CHN2: variants seen among roughly 807,000 people sequenced by gnomAD.
CHN2 encodes the protein chimerin 2, also known as beta-chimaerin.
CHN2 carries 35 observed loss-of-function variants against 56.3 expected under a neutral mutation model. That is an observed-to-expected ratio of 0.62 (90% CI 0.47 to 0.82). CHN2 has a LOEUF of 0.82. CHN2 is among the 40% of genes least tolerant of loss of function. The pLI, the probability that CHN2 is intolerant of heterozygous loss-of-function variation, is 0.00. For synonymous variants in CHN2, 210 were observed against 212.8 expected, an observed-to-expected ratio of 0.99 and a Z score of 0.12; for missense variants, 491 against 580.5, an observed-to-expected ratio of 0.85 and a Z score of 1.58.
At chr7:29,320,722 T>C (rs1009421266) in intron 1 of CHN2, among the ~76,000 whole-genome samples, 1 of 152,138 alleles carries the variant, frequency 6.6e-6, no homozygotes, top group African/African-American at 2.4e-5. Flanking sequence ...GTTCTGTCCT[T>C]GCATGCTTTC....
intron 9 of CHN2, among the ~76,000 whole-genome samples, chr7:29,504,059 G>T (rs10263233): frequency 0.15 from 22,314 of 152,174 alleles, 1,889 homozygotes; most frequent in Non-Finnish European, 0.19. Flanking sequence ...TGTATAATCA[G>T]TTGTCTAAAA....
At chr7:29,452,376 T>A (rs1784465216) in intron 6 of CHN2, among the ~76,000 whole-genome samples, 1 of 151,542 alleles carries the variant, frequency 6.6e-6, no homozygotes, top group Non-Finnish European at 1.5e-5. Flanking sequence ...CTCTTGGGGG[T>A]GTGTGAAGGC....
intron 6 of CHN2, among the ~76,000 whole-genome samples, chr7:29,427,307 A>C (rs2128110402): frequency 6.6e-6 from 1 of 152,252 alleles, no homozygotes; most frequent in South Asian, 2.1e-4. Context: ...ATAGAGTAAG[A>C]CTGTCTCAAA....
intron 6 of CHN2, among the ~76,000 whole-genome samples, chr7:29,456,842 G>C (rs1398443027): frequency 6.6e-6 from 1 of 151,968 alleles, no homozygotes; most frequent in African/African-American, 2.4e-5. Context: ...CTGCCTCCTG[G>C]GCTGGGGAGG....
chr7:29,274,751 A>G (rs1791042295), intron 1 of CHN2, among the ~76,000 whole-genome samples: 2 of 152,188 alleles, frequency 1.3e-5, no homozygotes, highest in Admixed American at 1.3e-4. Flanking sequence ...CTAACACAGG[A>G]ATATCATTTT....
chr7:29,368,357 G>C (rs1799337633), intron 3 of CHN2, among the ~76,000 whole-genome samples: 1 of 152,004 alleles, frequency 6.6e-6, no homozygotes, highest in African/African-American at 2.4e-5. Context: ...AAACTTCTGG[G>C]TACTTTCAAC....
At chr7:29,433,231 A>G (rs1333595165) in intron 6 of CHN2, among the ~76,000 whole-genome samples, 1 of 152,200 alleles carries the variant, frequency 6.6e-6, no homozygotes, top group Non-Finnish European at 1.5e-5. Flanking sequence ...ACAAAGTCAT[A>G]GTTGCTTTAT....
intron 1 of CHN2, among the ~76,000 whole-genome samples, chr7:29,306,949 T>C (rs1794217133): frequency 6.6e-6 from 1 of 152,260 alleles, no homozygotes; most frequent in South Asian, 2.1e-4. Flanking sequence ...GTTAAAGATG[T>C]GACTAGTAAC....
chr7:29,163,801 C>A, intron 2 of CHN2, among the ~76,000 whole-genome samples: 1 of 152,180 alleles, frequency 6.6e-6, no homozygotes, highest in East Asian at 1.9e-4. Flanking sequence ...TAATTGGTAT[C>A]TTTCACTTTG....
At chr7:29,500,527 C>T (rs1256973218) in intron 9 of CHN2, among the ~76,000 whole-genome samples, 1 of 152,092 alleles carries the variant, frequency 6.6e-6, no homozygotes, top group Non-Finnish European at 1.5e-5. Flanking sequence ...ACTCGAGAGG[C>T]TGAGGCATGG....
At chr7:29,478,781 C>T (rs1786828045) in intron 6 of CHN2, among the ~76,000 whole-genome samples, 1 of 152,184 alleles carries the variant, frequency 6.6e-6, no homozygotes, top group South Asian at 2.1e-4. Flanking sequence ...CGTCCTCTGA[C>T]ACAGCGTAAA....
chr7:29,167,567 C>G (rs1313285202), intron 2 of CHN2, among the ~76,000 whole-genome samples: 2 of 152,292 alleles, frequency 1.3e-5, no homozygotes, highest in East Asian at 3.9e-4. Flanking sequence ...TATGAATTTT[C>G]AACTTTGCTA....
At chr7:29,364,127 T>A (rs1205243761) in intron 2 of CHN2, among the ~76,000 whole-genome samples, 1 of 152,226 alleles carries the variant, frequency 6.6e-6, no homozygotes, top group Non-Finnish European at 1.5e-5. Context: ...CTATCCAGAA[T>A]GATAATGACA....
chr7:29,267,811 T>C (rs905163541), intron 1 of CHN2, among the ~76,000 whole-genome samples: 2 of 152,240 alleles, frequency 1.3e-5, no homozygotes, highest in Admixed American at 6.5e-5. Context: ...AAGAGCTTTC[T>C]GTGTACATGA....
intron 1 of CHN2, among the ~76,000 whole-genome samples, chr7:29,291,463 T>C (rs1396275470): frequency 6.6e-6 from 1 of 152,162 alleles, no homozygotes; most frequent in Non-Finnish European, 1.5e-5. Context: ...TAATTGCCTT[T>C]TATGTACATA....
At chr7:29,439,536 C>T (rs1479341884) in intron 6 of CHN2, among the ~76,000 whole-genome samples, 1 of 152,140 alleles carries the variant, frequency 6.6e-6, no homozygotes, top group East Asian at 1.9e-4. Flanking sequence ...CTAAGAAGGT[C>T]TTCTTCAGCT....
intron 2 of CHN2, among the ~76,000 whole-genome samples, chr7:29,187,219 G>T (rs1047554194): frequency 7.9e-5 from 12 of 152,116 alleles, no homozygotes; most frequent in African/African-American, 2.7e-4. Flanking sequence ...GAGAGCTTAA[G>T]TAATCTGTCT....
At chr7:29,423,812 C>T (rs1585343440) in intron 6 of CHN2, among the ~76,000 whole-genome samples, 1 of 152,314 alleles carries the variant, frequency 6.6e-6, no homozygotes, top group African/African-American at 2.4e-5. Context: ...TCTCTCTGTG[C>T]CAGAATCCAT....
intron 1 of CHN2, among the ~76,000 whole-genome samples, chr7:29,316,099 G>A (rs979804769): frequency 6.6e-6 from 1 of 152,190 alleles, no homozygotes; most frequent in African/African-American, 2.4e-5. Flanking sequence ...CAAATGGACA[G>A]GTTGGGCCAT....
Sources: allele counts gnomAD v4.1 joint callset (sites outside exome capture counted in the v4.1 genomes callset), GRCh38; gene constraint gnomAD v4.1.1; transcripts MANE v1.5; gene names NCBI Gene and HGNC (gene_info 2026-07-23, HGNC 2026-07-21).